The following DIS3L variants were observed in gnomAD, a reference collection of about 807,000 sequenced individuals.
The protein encoded by DIS3L is DIS3-like exonuclease 1.
DIS3L carries 100 observed loss-of-function variants against 120.3 expected under a neutral mutation model. The observed-to-expected ratio is 0.83, with a 90% CI of 0.71 to 0.98. The LOEUF (loss-of-function observed/expected upper bound fraction) is 0.98, where lower values mean the gene tolerates loss of function less well. DIS3L is among the 50% of genes least tolerant of loss of function. The pLI is 0.00. For synonymous variants in DIS3L, 426 were observed against 470.6 expected, an observed-to-expected ratio of 0.91 and a Z score of 1.23; for missense variants, 1,196 against 1,314.2, an observed-to-expected ratio of 0.91 and a Z score of 1.39.
At chr15:66,316,310 T>C (rs1005154212) in intron 7 of DIS3L, among the ~76,000 whole-genome samples, 5 of 151,608 alleles carry the variant, frequency 3.3e-5, no homozygotes, top group African/African-American at 1.2e-4. Context: ...TCCTTGACTT[T>C]TTTTTTTTTT....
At chr15:66,324,605 C>T (rs1350689707) in intron 11 of DIS3L, among the ~76,000 whole-genome samples, 1 of 152,210 alleles carries the variant, frequency 6.6e-6, no homozygotes. Flanking sequence ...AAATGTTACA[C>T]CAGTTATATT....
chr15:66,326,467 G>A (rs2092939587), intron 12 of DIS3L, 103 bp downstream of exon 12: 2 of 1,271,210 alleles, frequency 1.6e-6, no homozygotes. Context: ...TGACCAAAAA[G>A]AGAAAACAGA....
intron 14 of DIS3L, 106 bp downstream of exon 14, chr15:66,329,505 C>G: frequency 7.2e-7 from 1 of 1,381,386 alleles, no homozygotes; most frequent in Non-Finnish European, 9.5e-7. Flanking sequence ...AAATTAAATT[C>G]TAGAATTATT....
intron 7 of DIS3L, among the ~76,000 whole-genome samples, chr15:66,315,629 T>G (rs372887455): frequency 4.6e-5 from 7 of 152,326 alleles, no homozygotes; most frequent in Admixed American, 2.0e-4. Context: ...TTTACTCTTA[T>G]CAGCACCCAA....
chr15:66,311,005 G>A (rs1052589795), intron 4 of DIS3L, among the ~76,000 whole-genome samples: 7 of 138,264 alleles, frequency 5.1e-5, no homozygotes, highest in African/African-American at 8.3e-5. Context: ...CCAAGATCAC[G>A]CCACTTGTAC....
chr15:66,293,725 C>G lies in DIS3L; in HGVS notation c.129C>G (p.Ala43=), dbSNP rs1359101695. The G allele has an allele frequency of 7.7e-7, 1 of 1,306,690 alleles. No individual in the cohort carries two copies. The allele number at this position is 1,306,690 out of a possible 1,614,324, so 80.9% of individuals were successfully genotyped here. A position where few individuals can be genotyped will look rare whatever the true frequency, so the allele number is the denominator to read the frequency against. The change falls in exon 1 of 17, where the codon GCC becomes GCG. Residue 43 remains alanine (A), a synonymous_variant. Coordinates refer to ENST00000319212, the MANE Select transcript of DIS3L (RefSeq NM_001143688.3). ...GCCCGCTCTGCCCGCAGCCCGCCGC[C>G]TGCAGCCACGGTCAGGGCCGGGGCG... is the stretch of plus-strand genomic sequence containing the variant. ...CHSPLCPQPA[A]CSHDGKLLSS...
intron 2 of DIS3L, among the ~76,000 whole-genome samples, chr15:66,298,103 CG>C (rs913726247): frequency 1.5e-5 from 2 of 134,422 alleles, no homozygotes; most frequent in Non-Finnish European, 3.1e-5. Context: ...CGCTTGAACC[CG>C]GGAGGCGGAG....
rs1300680856 is a variant in DIS3L, at chr15:66,293,767, C to T, written c.139+32C>T. 11 of 1,161,146 alleles carry T rather than the reference C, an allele frequency of 9.5e-6. No homozygotes were observed. In the African/African-American group the frequency reaches 1.3e-4, roughly 14 times the overall value. 71.9% of individuals were successfully genotyped at this position (1,161,146 alleles called of 1,614,324 possible). On this transcript the variant is annotated intron_variant, in intron 1 of 16. Transcript: ENST00000319212. ...GCCGGGGCGGGGGCGGGGACGGGGC[C>T]GGCGGGAGCGGGCGGCCGCAGTGAG...
intron 11 of DIS3L, 73 bp from the exon 12 acceptor site, chr15:66,325,758 C>T (rs902387762): frequency 6.6e-7 from 1 of 1,507,504 alleles, no homozygotes; most frequent in Non-Finnish European, 8.9e-7. Flanking sequence ...AAGATCCTGT[C>T]TCAAAAAAAC....
chr15:66,318,949 C>T (rs1490714415), intron 8 of DIS3L, among the ~76,000 whole-genome samples: 5 of 152,120 alleles, frequency 3.3e-5, no homozygotes, highest in South Asian at 2.1e-4. Flanking sequence ...CCCGCCACCA[C>T]GCCCGGCTAA....
At position 66,293,587 on chromosome 15, in the gene DIS3L, A is replaced by G. The variant is rs1432450426; in HGVS notation, c.-10A>G. The stretch of plus-strand genomic sequence containing the variant: ...CCCGCCACTCCGCGGCCGCCGGGAG[A>G]CACGCCGCCATGCTGCAGAAGCGGG... On this transcript the variant is annotated 5_prime_UTR_variant, in exon 1 of 17. Coordinates refer to ENST00000319212, the MANE Select transcript of DIS3L (RefSeq NM_001143688.3). 7.0e-7 allele frequency: 1 copy of G among 1,426,728 alleles called. No homozygotes were observed. Among genetic ancestry groups the G allele is most frequent in the Admixed American group, 2.6e-5 (1 of 39,170 alleles). 88.4% of individuals were successfully genotyped at this position (1,426,728 alleles called of 1,614,324 possible).
intron 3 of DIS3L, among the ~76,000 whole-genome samples, chr15:66,307,266 G>A (rs1003110203): frequency 6.6e-6 from 1 of 151,974 alleles, no homozygotes; most frequent in Non-Finnish European, 1.5e-5. Flanking sequence ...TATGGAGAAG[G>A]CAGAAGAGCT....
At chr15:66,293,808 G>A (rs1269937982) in intron 1 of DIS3L, 73 bp downstream of exon 1, 13 of 1,081,422 alleles carry the variant, frequency 1.2e-5, no homozygotes, top group Non-Finnish European at 1.5e-5. Context: ...GAGCGCGGCC[G>A]GGAGGCGGAG....
At position 66,308,731 on chromosome 15, in the gene DIS3L, T is replaced by C. The variant is rs1481776696; in HGVS notation, c.445T>C (p.Trp149Arg). The change falls in exon 4 of 17, where the codon TGG becomes CGG. Residue 149 changes from tryptophan to arginine, a missense_variant. Coordinates refer to ENST00000319212, the MANE Select transcript of DIS3L (RefSeq NM_001143688.3). ...QTRSIYNAAV[W>R]YYHHCQDRMP... ...CAGGAGCATATACAACGCAGCTGTT[T>C]GGTACTATCATCACTGCCAGGACAG... 2 of 1,612,898 alleles carry C rather than the reference T, an allele frequency of 1.2e-6. No homozygotes were observed. Among genetic ancestry groups the C allele is most frequent in the East Asian group, 2.2e-5 (1 of 44,856 alleles).
chr15:66,299,763 ACAT>A (rs1346023887), intron 2 of DIS3L, among the ~76,000 whole-genome samples: 5 of 152,280 alleles, frequency 3.3e-5, no homozygotes, highest in African/African-American at 1.2e-4. Context: ...GAAACTAAAA[ACAT>A]CATACACAGC....
rs759186027 is a variant in DIS3L, at chr15:66,318,662, CCTT to C, written c.1164+47_1164+49del. The C allele has an allele frequency of 5.0e-6, 8 of 1,585,390 alleles. No individual in the cohort carries two copies. The South Asian group carries it at 5.7e-5, about 11-fold the overall frequency. ...CTACTATGGGATCTCTACGCTTTCTCCTTCTGTCTTTACCAGCTTTTTAGCAGT... is the reference window on the plus strand; with the variant it reads ...CTACTATGGGATCTCTACGCTTTCTCCTGTCTTTACCAGCTTTTTAGCAGT... On this transcript the variant is annotated intron_variant, in intron 8 of 16. Coordinates refer to ENST00000319212, the MANE Select transcript of DIS3L (RefSeq NM_001143688.3).
In DIS3L at chr15:66,311,822, G is replaced by T. The variant is rs1410712145; in HGVS notation, c.657G>T (p.Glu219Asp). The change falls in exon 5 of 17, where the codon GAG becomes GAT. Residue 219 changes from glutamate (E) to aspartate (D), a missense_variant. Physicochemically the swap from Glu to Asp is conservative, Grantham distance 45. Coordinates refer to ENST00000319212, the MANE Select transcript of DIS3L (RefSeq NM_001143688.3). ...GGGAGAGAGAGAATGAGAGTCAGGA[G>T]AGCCATGGGAAGGAGTACCCAGAAC... ...SRRERENESQ[E>D]SHGKEYPEHL... The T allele has an allele frequency of 6.2e-7, 1 of 1,614,050 alleles. No homozygotes were observed. The highest frequency in any genetic ancestry group is 1.3e-5 in the African/African-American group (1 of 74,914).
chr15:66,310,081 T>C (rs1292830207), intron 4 of DIS3L, among the ~76,000 whole-genome samples: 6 of 152,226 alleles, frequency 3.9e-5, no homozygotes, highest in African/African-American at 9.6e-5. Flanking sequence ...CTTGTTGATA[T>C]CACTTTTTGG....
At position 66,322,777 on chromosome 15, in the gene DIS3L, C is replaced by G. The variant is rs35715390; in HGVS notation, c.1417C>G (p.Leu473Val). ...QKRKDLRKSHLVFSIDPKGCE... is the reference protein window; with the variant it reads ...QKRKDLRKSHVVFSIDPKGCE... ...ACGTAAAGACTTGAGGAAAAGCCAT[C>G]TCGTATTCAGCATTGACCCCAAAGG... The change falls in exon 10 of 17, where the codon CTC (leucine) becomes GTC (valine). Residue 473 changes from leucine to valine, a missense_variant. Coordinates refer to ENST00000319212, the MANE Select transcript of DIS3L (RefSeq NM_001143688.3). 1.8e-4 allele frequency: 288 copies of G among 1,614,152 alleles called. 1 individual carries two copies. In the African/African-American group the frequency reaches 3.3e-3, roughly 19 times the overall value.
Sources: gnomAD v4.1 joint callset for allele counts (sites outside exome capture counted in the v4.1 genomes callset) on GRCh38, gnomAD v4.1.1 for gene constraint, MANE v1.5 for transcripts, NCBI Gene and HGNC (gene_info 2026-07-23, HGNC 2026-07-21) for gene names.